The following MRTFA variants were observed in gnomAD, a reference collection of about 807,000 sequenced individuals.
MRTFA encodes myocardin-related transcription factor A.
In MRTFA, 20 loss-of-function variants were observed where a neutral mutation model predicts 83.5. The ratio of observed to expected loss-of-function variants is 0.24; its 90% confidence interval spans 0.17 to 0.35. MRTFA has a LOEUF of 0.35. Among genes scored for constraint, MRTFA ranks in the 10% least tolerant of loss-of-function variants. MRTFA has a pLI of 1.00. For synonymous variants in MRTFA, 659 were observed against 541.2 expected, an observed-to-expected ratio of 1.22 and a Z score of -3.02; for missense variants, 1,200 against 1,224.7, an observed-to-expected ratio of 0.98 and a Z score of 0.30.
intron 4 of MRTFA, among the ~76,000 whole-genome samples, chr22:40,437,978 C>T (rs562030949): frequency 4.6e-5 from 7 of 152,228 alleles, no homozygotes; most frequent in African/African-American, 1.7e-4. Context: ...CTGTAAGAAA[C>T]GGACACAAGG....
intron 9 of MRTFA, 103 bp downstream of exon 9, chr22:40,423,433 C>G: frequency 9.1e-7 from 1 of 1,100,488 alleles, no homozygotes; most frequent in Non-Finnish European, 1.2e-6. Flanking sequence ...GGAGAAGACA[C>G]GCACCACACC....
intron 4 of MRTFA, among the ~76,000 whole-genome samples, chr22:40,459,239 C>CAAAAAAAA (rs59958160): frequency 2.3e-5 from 2 of 87,108 alleles, no homozygotes; most frequent in African/African-American, 8.7e-5. Context: ...AGGGGTCTGG[C>CAAAAAAAA]AAAAAAAAAA....
At chr22:40,511,240 A>G (rs1338236226) in intron 3 of MRTFA, among the ~76,000 whole-genome samples, 2 of 152,196 alleles carry the variant, frequency 1.3e-5, no homozygotes, top group East Asian at 3.8e-4. Flanking sequence ...TAAAATCTAG[A>G]GAACTCACAA....
intron 2 of MRTFA, among the ~76,000 whole-genome samples, chr22:40,574,717 A>G (rs149948259): frequency 6.8e-6 from 1 of 147,320 alleles, no homozygotes; most frequent in African/African-American, 2.7e-5. Flanking sequence ...TATAGATGTT[A>G]GCCACCATGC....
chr22:40,480,631 G>A (rs2054072525), intron 3 of MRTFA, among the ~76,000 whole-genome samples: 2 of 152,084 alleles, frequency 1.3e-5, no homozygotes, highest in Admixed American at 1.3e-4. Flanking sequence ...GATTTTAACA[G>A]GATAACGGTG....
At chr22:40,414,183 C>T (rs1475231443) in intron 14 of MRTFA, among the ~76,000 whole-genome samples, 3 of 152,044 alleles carry the variant, frequency 2.0e-5, no homozygotes. Context: ...TACTAAAAAA[C>T]ACACAAAAAA....
chr22:40,564,354 A>T (rs1349666535), intron 2 of MRTFA, among the ~76,000 whole-genome samples: 1 of 152,214 alleles, frequency 6.6e-6, no homozygotes, highest in African/African-American at 2.4e-5. Flanking sequence ...AGAAACAACA[A>T]AGATTACAAG....
In MRTFA at chr22:40,410,784, C is replaced by T. The variant is rs754730237; in HGVS notation, c.*606G>A. The stretch of plus-strand genomic sequence containing the variant: ...TGCACCCATCTCCTGTCCGCCCCCC[C>T]CCAAAAATATATATGTATGTCGATA... On this transcript the variant is annotated 3_prime_UTR_variant, in exon 15 of 15. Coordinates refer to ENST00000355630, the MANE Select transcript of MRTFA (RefSeq NM_020831.6). The T allele has an allele frequency of 4.3e-6, 1 of 232,890 alleles. No homozygotes were observed. The highest frequency in any genetic ancestry group is 8.5e-6 in the Non-Finnish European group (1 of 117,968). 14.4% of individuals were successfully genotyped at this position (232,890 alleles called of 1,614,324 possible).
At chr22:40,592,063 T>C (rs576831652) in intron 2 of MRTFA, among the ~76,000 whole-genome samples, 1 of 152,064 alleles carries the variant, frequency 6.6e-6, no homozygotes, top group Admixed American at 6.6e-5. Flanking sequence ...GACATAGAGA[T>C]GGTATCTCCC....
chr22:40,503,480 G>A (rs2054530939), intron 3 of MRTFA, among the ~76,000 whole-genome samples: 1 of 152,104 alleles, frequency 6.6e-6, no homozygotes, highest in South Asian at 2.1e-4. Context: ...CAAAGTACCG[G>A]GATTACAAGT....
chr22:40,588,051 CAG>C, intron 2 of MRTFA: 1 of 167,068 alleles, frequency 6.0e-6, no homozygotes, highest in Admixed American at 6.7e-5. Flanking sequence ...TTTTTGGAGA[CAG>C]AGTCTCGCTC....
At chr22:40,568,562 G>T (rs577437679) in intron 2 of MRTFA, among the ~76,000 whole-genome samples, 3 of 152,236 alleles carry the variant, frequency 2.0e-5, no homozygotes, top group African/African-American at 7.2e-5. Context: ...GAGAATTTTT[G>T]ATCAAATAAA....
chr22:40,560,127 A>G (rs904434835), intron 2 of MRTFA, among the ~76,000 whole-genome samples: 15 of 152,354 alleles, frequency 9.8e-5, no homozygotes, highest in African/African-American at 3.1e-4. Flanking sequence ...CATCAAGGCC[A>G]TGAGGCAGGG....
At chr22:40,586,260 G>C (rs1602463923) in intron 2 of MRTFA, among the ~76,000 whole-genome samples, 1 of 146,226 alleles carries the variant, frequency 6.8e-6, no homozygotes, top group South Asian at 2.1e-4. Context: ...TACATCATTT[G>C]CTCTTCAAAA....
chr22:40,576,650 GA>G (rs1458055194), intron 2 of MRTFA, among the ~76,000 whole-genome samples: 5 of 152,196 alleles, frequency 3.3e-5, no homozygotes, highest in Middle Eastern at 3.4e-3. Flanking sequence ...ATGGACTAGG[GA>G]AAATACAAAA....
At chr22:40,597,796 TG>T (rs2056211475) in intron 1 of MRTFA, among the ~76,000 whole-genome samples, 1 of 152,208 alleles carries the variant, frequency 6.6e-6, no homozygotes, top group African/African-American at 2.4e-5. Flanking sequence ...ACAGGCATTT[TG>T]AAAGTCTGTG....
chr22:40,422,648 G>C (rs1188890189), intron 9 of MRTFA, among the ~76,000 whole-genome samples: 1 of 152,252 alleles, frequency 6.6e-6, no homozygotes, highest in Non-Finnish European at 1.5e-5. Flanking sequence ...AGGCAGCAGA[G>C]ATGACAGGGT....
At chr22:40,426,501 G>T (rs1313825674) in intron 7 of MRTFA, among the ~76,000 whole-genome samples, 1 of 152,080 alleles carries the variant, frequency 6.6e-6, no homozygotes, top group African/African-American at 2.4e-5. Context: ...GTACAATCTG[G>T]TTTTTGCTGG....
chr22:40,636,671 A>G lies in MRTFA; in HGVS notation c.-277T>C, dbSNP rs941444262. On this transcript the variant is annotated 5_prime_UTR_variant, in exon 1 of 15. Transcript: ENST00000355630. ...CGTCGCTCTCGCCGCCGCGGCCACC[A>G]CAGACACTGCCGCCGCCGGCTCCTC... 6.6e-6 allele frequency: 1 copy of G among 152,374 alleles called. No individual in the cohort carries two copies. Among genetic ancestry groups the G allele is most frequent in the Non-Finnish European group, 1.5e-5 (1 of 68,204 alleles). The allele number at this position is 152,374 out of a possible 1,614,324, so 9.4% of individuals were successfully genotyped here. A position where few individuals can be genotyped will look rare whatever the true frequency, so the allele number is the denominator to read the frequency against.
Sources: allele counts gnomAD v4.1 joint callset (sites outside exome capture counted in the v4.1 genomes callset), GRCh38; gene constraint gnomAD v4.1.1; transcripts MANE v1.5; gene names NCBI Gene and HGNC (gene_info 2026-07-23, HGNC 2026-07-21).